NREP: variants seen among roughly 807,000 people sequenced by gnomAD.
NREP encodes neuronal regeneration related protein.
In NREP, 5 loss-of-function variants were observed where a neutral mutation model predicts 8.6. The ratio of observed to expected loss-of-function variants is 0.58; its 90% CI spans 0.30 to 1.22. NREP has a LOEUF of 1.22. Among genes scored for constraint, NREP ranks in the 50% most tolerant of loss-of-function variants. The pLI, the probability that NREP is intolerant of heterozygous loss-of-function variation, is 0.07. For missense variants in NREP, 86 were observed against 82.5 expected (o/e 1.04, Z -0.17); for synonymous variants, 27 against 28.0 (o/e 0.96, Z 0.11).
chr5:111,926,707 AAG>A (rs1488628358), intron 2 of NREP, among the ~76,000 whole-genome samples: 8 of 151,896 alleles, frequency 5.3e-5, no homozygotes, highest in Non-Finnish European at 8.8e-5. Context: ...CCCATCTAGA[AAG>A]AGAGGGGGAA....
At chr5:111,975,375 G>C (rs368850424) in exon 2 of NREP, 2 of 1,551,064 alleles carry the variant, frequency 1.3e-6, no homozygotes, top group South Asian at 2.4e-5. Flanking sequence ...TCTTCTCTTC[G>C]GCTCTGCAGA....
intron 2 of NREP, among the ~76,000 whole-genome samples, chr5:111,852,431 A>G (rs1332882500): frequency 2.0e-5 from 3 of 152,170 alleles, no homozygotes; most frequent in Non-Finnish European, 4.4e-5. Context: ...CACAGCCTCA[A>G]AGCTGAACAT....
intron 2 of NREP, among the ~76,000 whole-genome samples, chr5:111,879,535 G>A (rs1461898491): frequency 6.6e-6 from 1 of 152,108 alleles, no homozygotes; most frequent in African/African-American, 2.4e-5. Context: ...CTGTCTTCTA[G>A]ACTGGAAATA....
intron 2 of NREP, among the ~76,000 whole-genome samples, chr5:111,923,629 G>A (rs1482704092): frequency 2.0e-5 from 3 of 152,140 alleles, no homozygotes; most frequent in African/African-American, 7.2e-5. Context: ...GTGGCTTCTG[G>A]CACCAGTAGG....
chr5:111,963,013 CA>C (rs1291997372), intron 2 of NREP, among the ~76,000 whole-genome samples: 2 of 152,220 alleles, frequency 1.3e-5, no homozygotes, highest in African/African-American at 4.8e-5. Context: ...TGTGGATACC[CA>C]AAAAAGGCTG....
chr5:111,738,277 A>AATT (rs1412464740), intron 2 of NREP: 2 of 152,218 alleles, frequency 1.3e-5, no homozygotes, highest in African/African-American at 4.8e-5. Flanking sequence ...GACAATCATT[A>AATT]ATTACCTTTG....
At chr5:111,785,859 G>A (rs759272456) in intron 2 of NREP, among the ~76,000 whole-genome samples, 35 of 152,156 alleles carry the variant, frequency 2.3e-4, no homozygotes, top group Non-Finnish European at 4.1e-4. Flanking sequence ...GCCTTCCTGA[G>A]TCCCCATAGT....
At chr5:111,774,898 A>C in intron 2 of NREP, among the ~76,000 whole-genome samples, 1 of 152,312 alleles carries the variant, frequency 6.6e-6, no homozygotes, top group South Asian at 2.1e-4. Flanking sequence ...TTATTGCTAA[A>C]TTTGTGGTAA....
rs1389345599 is a variant in NREP at position 111,735,430 on chromosome 5, C to T, written c.81G>A (p.Lys27=). 2.5e-6 allele frequency: 4 copies of T among 1,604,674 alleles called. No individual in the cohort carries two copies. In the South Asian group the frequency reaches 4.4e-5, roughly 18 times the overall value. Residue 27 remains lysine, a splice_region_variant and synonymous_variant, in exon 3 of 4, where the codon AAG becomes AAA. Coordinates refer to ENST00000257435, the MANE Select transcript of NREP (RefSeq NM_004772.4). ...ACAATATGGCATCTAAGGATCTTAC[C>T]TTAGGAAGCCTTCCCTCCATGTCCT... The part of the protein sequence containing the change: ...PNKDMEGRLP[K]GRLPVPKEVN...
intron 2 of NREP, among the ~76,000 whole-genome samples, chr5:111,836,824 G>T (rs1752907551): frequency 6.6e-6 from 1 of 152,030 alleles, no homozygotes; most frequent in Non-Finnish European, 1.5e-5. Context: ...CTTCAAAAGG[G>T]TGTCCCGTGT....
intron 2 of NREP, among the ~76,000 whole-genome samples, chr5:111,751,698 T>C (rs1750371853): frequency 1.3e-5 from 2 of 152,208 alleles, no homozygotes; most frequent in Non-Finnish European, 2.9e-5. Context: ...CCTAGTTTTT[T>C]CTTGTATAAC....
intron 2 of NREP, among the ~76,000 whole-genome samples, chr5:111,884,977 C>T (rs909591375): frequency 6.6e-6 from 1 of 152,070 alleles, no homozygotes; most frequent in Admixed American, 6.5e-5. Flanking sequence ...CTAGCCAGGG[C>T]AATTAGGCAG....
At chr5:111,957,854 G>T (rs1756368332) in intron 2 of NREP, among the ~76,000 whole-genome samples, 2 of 151,810 alleles carry the variant, frequency 1.3e-5, no homozygotes, top group African/African-American at 4.8e-5. Context: ...CACTTAAAAA[G>T]TCACAAGAAA....
At chr5:111,761,730 T>G (rs1750963998), upstream of NREP, among the ~76,000 whole-genome samples, 1 of 152,210 alleles carries the variant, frequency 6.6e-6, no homozygotes, top group South Asian at 2.1e-4. Context: ...TACAGCCTGC[T>G]AGATCCAGGG....
chr5:111,949,900 G>A (rs769484504), intron 2 of NREP, among the ~76,000 whole-genome samples: 7 of 152,038 alleles, frequency 4.6e-5, no homozygotes, highest in African/African-American at 1.4e-4. Flanking sequence ...ACATGTGCAC[G>A]TGTCTTTATG....
At chr5:111,754,851 A>T (rs180920497) in intron 2 of NREP, among the ~76,000 whole-genome samples, 1 of 152,354 alleles carries the variant, frequency 6.6e-6, no homozygotes, top group East Asian at 1.9e-4. Context: ...AACATCAAAG[A>T]TATCAGATTA....
chr5:111,914,893 A>T (rs1208144118), intron 2 of NREP, among the ~76,000 whole-genome samples: 2 of 152,134 alleles, frequency 1.3e-5, no homozygotes, highest in Non-Finnish European at 1.5e-5. Flanking sequence ...GAGTGCTTTC[A>T]GGAAGAGATT....
At chr5:111,975,514 G>C (rs536067455) in intron 1 of NREP, 14 of 644,436 alleles carry the variant, frequency 2.2e-5, no homozygotes, top group African/African-American at 5.5e-5. Context: ...TGACTGGCCA[G>C]GGTATAGGAT....
chr5:111,890,585 AT>A (rs1754370005), intron 2 of NREP, among the ~76,000 whole-genome samples: 1 of 151,968 alleles, frequency 6.6e-6, no homozygotes, highest in African/African-American at 2.4e-5. Context: ...TTTTCCATAC[AT>A]TTTCTAAAAT....
Sources: gnomAD v4.1 joint callset for allele counts (sites outside exome capture counted in the v4.1 genomes callset) on GRCh38, gnomAD v4.1.1 for gene constraint, MANE v1.5 for transcripts, NCBI Gene and HGNC (gene_info 2026-07-23, HGNC 2026-07-21) for gene names.